The following ZFAT variants were observed in gnomAD, a reference collection of about 807,000 sequenced individuals.
The protein encoded by ZFAT is zinc finger protein ZFAT.
Under a neutral mutation model 117.7 loss-of-function variants are expected in ZFAT, and 64 were observed. The observed-to-expected ratio is 0.54, with a 90% CI of 0.44 to 0.67. ZFAT has a LOEUF of 0.67. ZFAT is among the 30% of genes least tolerant of loss of function. ZFAT has a pLI of 0.00. For synonymous variants in ZFAT, 679 were observed against 615.0 expected (o/e 1.10, Z -1.54); for missense variants, 1,433 against 1,584.5 (o/e 0.90, Z 1.62).
At chr8:134,515,841 A>T (rs1245974419) in intron 13 of ZFAT, among the ~76,000 whole-genome samples, 1 of 152,176 alleles carries the variant, frequency 6.6e-6, no homozygotes, top group Non-Finnish European at 1.5e-5. Context: ...TCCTGAAATC[A>T]TTATTTGCCC....
At chr8:134,709,016 G>A (rs1813890547) in intron 1 of ZFAT, among the ~76,000 whole-genome samples, 1 of 152,184 alleles carries the variant, frequency 6.6e-6, no homozygotes, top group Admixed American at 6.5e-5. Context: ...GCTGGGCACA[G>A]TGACTCAAGC....
the ZFAT span, among the ~76,000 whole-genome samples, chr8:134,734,772 T>G: frequency 1.3e-5 from 2 of 152,032 alleles, no homozygotes; most frequent in Non-Finnish European, 2.9e-5. Flanking sequence ...GAGCAGGGAG[T>G]GCTGGCCCAC....
At chr8:134,509,423 AACACCTCCCACAT>A (rs1163874759) in intron 15 of ZFAT, among the ~76,000 whole-genome samples, 183 bp downstream of exon 15, 1 of 151,984 alleles carries the variant, frequency 6.6e-6, no homozygotes, top group Non-Finnish European at 1.5e-5. Flanking sequence ...CTCTCCCCCA[AACACCTCCCACAT>A]ATAGAGCTAT....
the ZFAT span, among the ~76,000 whole-genome samples, chr8:134,787,170 A>T: frequency 6.6e-6 from 1 of 152,076 alleles, no homozygotes; most frequent in South Asian, 2.1e-4. Context: ...TTATTGATTA[A>T]TTTTGCCAGG....
At chr8:134,738,004 G>A in the ZFAT span, among the ~76,000 whole-genome samples, 15 of 152,234 alleles carry the variant, frequency 9.9e-5, no homozygotes, top group Admixed American at 3.9e-4. Flanking sequence ...CATGGTAAAC[G>A]TGGGGCATCT....
chr8:134,493,999 T>C (rs1027109649), intron 15 of ZFAT, among the ~76,000 whole-genome samples: 1 of 152,252 alleles, frequency 6.6e-6, no homozygotes, highest in African/African-American at 2.4e-5. Flanking sequence ...TTTTGATATT[T>C]AGACACATTT....
intron 11 of ZFAT, chr8:134,565,071 C>A: frequency 1.4e-6 from 2 of 1,442,346 alleles, no homozygotes; most frequent in Non-Finnish European, 1.8e-6. Flanking sequence ...TGCTTTTATG[C>A]AAAGATCGTG....
At chr8:134,693,418 C>T (rs1461603343) in intron 1 of ZFAT, among the ~76,000 whole-genome samples, 1 of 152,134 alleles carries the variant, frequency 6.6e-6, no homozygotes, top group Non-Finnish European at 1.5e-5. Context: ...ATAAGCATTC[C>T]TGAGTCTACA....
intron 4 of ZFAT, 23 bp downstream of exon 4, chr8:134,610,447 C>T: frequency 6.2e-7 from 1 of 1,604,128 alleles, no homozygotes; most frequent in Non-Finnish European, 8.5e-7. Context: ...CTTGCCTTTT[C>T]CTTTCCCGCT....
chr8:134,531,178 A>AT (rs1821377143), intron 12 of ZFAT, among the ~76,000 whole-genome samples: 1 of 152,168 alleles, frequency 6.6e-6, no homozygotes, highest in African/African-American at 2.4e-5. Context: ...ACCTCAGCAC[A>AT]TTTTTTCCAA....
At chr8:134,796,781 C>T in the ZFAT span, 1 of 152,130 alleles carries the variant, frequency 6.6e-6, no homozygotes, top group African/African-American at 2.4e-5. Context: ...AGATTCTCCA[C>T]ATATCATTAA....
rs528592238 is a variant in ZFAT, at chr8:134,632,345, T to C, written c.448+5116A>G. On this transcript the variant is annotated intron_variant, in intron 3 of 15. Transcript: ENST00000377838. ...ATATAACATACCAAATATGTGTTAA[T>C]TGACTATTGGTAAGGCTTCTGGCCA... 6.6e-5 allele frequency among the ~76,000 whole-genome samples: 10 copies of C among 152,366 alleles called. No homozygotes were observed. The South Asian group carries it at 1.9e-3, about 28-fold the overall frequency.
intron 11 of ZFAT, among the ~76,000 whole-genome samples, chr8:134,535,633 T>C (rs927441833): frequency 2.6e-5 from 4 of 151,948 alleles, no homozygotes; most frequent in African/African-American, 9.7e-5. Flanking sequence ...GCATGTGCTG[T>C]GTTTCTACAT....
the ZFAT span, among the ~76,000 whole-genome samples, chr8:134,755,480 A>T: frequency 2.7e-4 from 41 of 150,474 alleles, no homozygotes; most frequent in African/African-American, 9.0e-4. Context: ...CATAGTGGTG[A>T]ATTCTGGGAT....
intron 2 of ZFAT, among the ~76,000 whole-genome samples, chr8:134,644,441 C>T (rs1187128439): frequency 1.3e-5 from 2 of 152,182 alleles, no homozygotes; most frequent in Admixed American, 6.5e-5. Context: ...CACACTCTCA[C>T]ACACACATGC....
chr8:134,578,731 G>A (rs1825502462), intron 10 of ZFAT, among the ~76,000 whole-genome samples: 1 of 152,280 alleles, frequency 6.6e-6, no homozygotes, highest in South Asian at 2.1e-4. Context: ...CAAAAAGGAT[G>A]GCATGAGGGT....
At chr8:134,621,582 C>T (rs1009503919) in intron 3 of ZFAT, among the ~76,000 whole-genome samples, 2 of 152,184 alleles carry the variant, frequency 1.3e-5, no homozygotes, top group Non-Finnish European at 2.9e-5. Flanking sequence ...TGCAGCACCA[C>T]TGTCTGAATT....
At chr8:134,502,384 TC>T (rs1315124584) in intron 15 of ZFAT, among the ~76,000 whole-genome samples, 1 of 152,348 alleles carries the variant, frequency 6.6e-6, no homozygotes, top group African/African-American at 2.4e-5. Flanking sequence ...GACATGCACT[TC>T]CTTGCAAACA....
chr8:134,760,767 T>A, the ZFAT span, among the ~76,000 whole-genome samples: 1 of 152,142 alleles, frequency 6.6e-6, no homozygotes, highest in Non-Finnish European at 1.5e-5. Context: ...CAAAAAGCAG[T>A]CTAATTGGTG....
Sources: allele counts gnomAD v4.1 joint callset (sites outside exome capture counted in the v4.1 genomes callset), GRCh38; gene constraint gnomAD v4.1.1; transcripts MANE v1.5; gene names NCBI Gene and HGNC (gene_info 2026-07-23, HGNC 2026-07-21).